The following RBFOX3 variants were observed in gnomAD, a reference collection of about 807,000 sequenced individuals.
RBFOX3 encodes RNA binding fox-1 homolog 3.
A neutral mutation model predicts 48.7 loss-of-function variants in RBFOX3; 17 were observed. The observed-to-expected ratio is 0.35, with a 90% CI of 0.24 to 0.52. The LOEUF (loss-of-function observed/expected upper bound fraction) is 0.52. Among genes scored for constraint, RBFOX3 ranks in the 20% least tolerant of loss-of-function variants. RBFOX3 has a pLI of 0.94. For missense variants in RBFOX3, 382 were observed against 497.5 expected, an observed-to-expected ratio of 0.77 and a Z score of 2.21; for synonymous variants, 212 against 209.5, an observed-to-expected ratio of 1.01 and a Z score of -0.10.
rs985093105 is a variant in RBFOX3 at position 79,464,695 on chromosome 17, C to T, written c.-175+17759G>A. On this transcript the variant is annotated intron_variant, in intron 2 of 14. Coordinates refer to ENST00000693108, the MANE Select transcript of RBFOX3 (RefSeq NM_001350451.2). Reference sequence around the variant, plus strand: ...GAAGGAGAATACATTTCTGCCACTGCTGGGAGCATCGTAAGAGCCACCTTG... The same window carrying T: ...GAAGGAGAATACATTTCTGCCACTGTTGGGAGCATCGTAAGAGCCACCTTG... Among the ~76,000 whole-genome samples, 3 of 152,264 alleles carry T rather than the reference C, an allele frequency of 2.0e-5. No homozygotes were observed. The East Asian group carries it at 5.8e-4, about 29-fold the overall frequency.
chr17:79,319,392 G>A (rs1027335594), intron 2 of RBFOX3, among the ~76,000 whole-genome samples: 14 of 152,238 alleles, frequency 9.2e-5, no homozygotes, highest in Non-Finnish European at 1.8e-4. Flanking sequence ...ATGAAGCCCT[G>A]TCCCAGGAGG....
At chr17:79,365,615 C>T (rs1334622372) in intron 2 of RBFOX3, among the ~76,000 whole-genome samples, 2 of 152,230 alleles carry the variant, frequency 1.3e-5, no homozygotes, top group African/African-American at 2.4e-5. Context: ...AATGCTTTAA[C>T]GGAATATGTT....
intron 4 of RBFOX3, among the ~76,000 whole-genome samples, chr17:79,188,369 G>C (rs573950864): frequency 1.1e-4 from 16 of 152,358 alleles, no homozygotes; most frequent in Non-Finnish European, 2.1e-4. Flanking sequence ...AGCAGAGACT[G>C]CAGCAAAAGT....
chr17:79,318,880 A>C (rs1290811307), intron 2 of RBFOX3, among the ~76,000 whole-genome samples: 1 of 118,850 alleles, frequency 8.4e-6, no homozygotes, highest in East Asian at 2.4e-4. Context: ...AAAAAAAAAA[A>C]GGGATGGAGG....
In RBFOX3 at chr17:79,463,360, CGCCACCGCCAGT is replaced by C. The variant is rs373075118; in HGVS notation, c.-175+19082_-175+19093del. ...CCACCATCGCCACCTCCACCGCCAT[CGCCACCGCCAGT>C]GCCACCGCCACCTCCACCACCATCG... On this transcript the variant is annotated intron_variant, in intron 2 of 14. Coordinates refer to ENST00000693108, the MANE Select transcript of RBFOX3 (RefSeq NM_001350451.2). 1.1e-3 allele frequency among the ~76,000 whole-genome samples: 109 copies of C among 102,968 alleles called. 6 individuals carry two copies. Among genetic ancestry groups the C allele is most frequent in the African/African-American group, 3.9e-3 (102 of 25,852 alleles). The allele number at this position is 102,968 out of a possible 152,430, so 67.6% of individuals were successfully genotyped here. A position where few individuals can be genotyped will look rare whatever the true frequency, so the allele number is the denominator to read the frequency against.
chr17:79,559,845 GTGGA>G (rs1303766557), intron 1 of RBFOX3, among the ~76,000 whole-genome samples: 1 of 144,662 alleles, frequency 6.9e-6, no homozygotes. Context: ...GAATGAATGG[GTGGA>G]TGGATGGATG....
At chr17:79,133,136 GCCTCCTGCCCCTGCCCACA>G (rs1463684736) in intron 4 of RBFOX3, among the ~76,000 whole-genome samples, 3 of 152,152 alleles carry the variant, frequency 2.0e-5, no homozygotes, top group Non-Finnish European at 4.4e-5. Context: ...GCTCATGGTG[GCCTCCTGCCCCTGCCCACA>G]GGAGCAGGGT....
At chr17:79,588,642 CT>C (rs1290259836) in intron 1 of RBFOX3, among the ~76,000 whole-genome samples, 2 of 152,182 alleles carry the variant, frequency 1.3e-5, no homozygotes. Flanking sequence ...AAGCACAGCC[CT>C]CCCCCAAGAG....
intron 14 of RBFOX3, chr17:79,092,649 A>G: frequency 1.8e-5 from 18 of 987,484 alleles, no homozygotes; most frequent in Non-Finnish European, 2.0e-5. Context: ...AGCCTGCAAC[A>G]TCAAAGATGA....
chr17:79,455,257 C>T (rs2074277031), intron 2 of RBFOX3, among the ~76,000 whole-genome samples: 2 of 152,174 alleles, frequency 1.3e-5, no homozygotes, highest in South Asian at 4.1e-4. Context: ...GCGCAGGCTA[C>T]CGTGACGGGG....
rs1470975976 is a variant in RBFOX3, at chr17:79,477,362, C to G, written c.-175+5092G>C. ...ACGAGGTCAGGAGATCGAGATCATC[C>G]TGGCTAACACGGTGAAACCCCGTCT... On this transcript the variant is annotated intron_variant, in intron 2 of 14. Transcript: ENST00000693108. This position sits in a 1 kb window ranked among gnomAD's most constrained non-coding sequence, Gnocchi z 4.8. 2.6e-5 allele frequency among the ~76,000 whole-genome samples: 4 copies of G among 151,386 alleles called. No individual in the cohort carries two copies. In the East Asian group the frequency reaches 7.8e-4, roughly 29 times the overall value.
At chr17:79,573,683 G>A (rs2092760366) in intron 1 of RBFOX3, among the ~76,000 whole-genome samples, 2 of 152,194 alleles carry the variant, frequency 1.3e-5, no homozygotes, top group African/African-American at 2.4e-5. Flanking sequence ...TTCAAGCCTA[G>A]CTGTGTTCAA....
At chr17:79,620,581 G>GCA in the RBFOX3 span, among the ~76,000 whole-genome samples, 5 of 74,516 alleles carry the variant, frequency 6.7e-5, no homozygotes, top group African/African-American at 2.5e-4. Context: ...GTGCACACAC[G>GCA]CACGCACACA....
chr17:79,611,130 T>TCTC (rs1491548376), upstream of RBFOX3, among the ~76,000 whole-genome samples: 2,265 of 37,790 alleles, frequency 0.06, 1,029 homozygotes, highest in Middle Eastern at 0.093. Flanking sequence ...TCCGCCCTCC[T>TCTC]TCTCTCTCTC....
intron 2 of RBFOX3, among the ~76,000 whole-genome samples, chr17:79,463,214 T>TCCATCG: frequency 1.2e-5 from 1 of 84,224 alleles, no homozygotes; most frequent in East Asian, 3.7e-4. Context: ...CACTGCCACC[T>TCCATCG]CCACTGCCAT....
At chr17:79,131,212 A>G (rs1009208049) in intron 4 of RBFOX3, among the ~76,000 whole-genome samples, 4 of 144,772 alleles carry the variant, frequency 2.8e-5, no homozygotes, top group East Asian at 3.9e-4. Context: ...TGTTCTGTGC[A>G]CTGTGTGTGC....
In RBFOX3 at chr17:79,158,251, G is replaced by A. The variant is rs143667605; in HGVS notation, c.-33-42503C>T. ...AAACTCCCAGCCTTCAGAACTGCGC[G>A]AGGAGAAACGCCTGTTGTTTATGCC... On this transcript the variant is annotated intron_variant, in intron 4 of 14. Transcript: ENST00000693108. Among the ~76,000 whole-genome samples the A allele has an allele frequency of 5.1e-4, 77 of 152,306 alleles. 1 individual carries two copies. In the East Asian group the frequency reaches 0.012, roughly 24 times the overall value.
intron 1 of RBFOX3, among the ~76,000 whole-genome samples, chr17:79,590,526 T>G (rs2093385922): frequency 6.6e-6 from 1 of 152,190 alleles, no homozygotes; most frequent in Admixed American, 6.5e-5. Context: ...TTTTTATTTT[T>G]TAATGACCTG....
intron 2 of RBFOX3, among the ~76,000 whole-genome samples, chr17:79,440,283 C>T (rs577022105): frequency 5.8e-4 from 89 of 152,352 alleles, no homozygotes; most frequent in Admixed American, 1.2e-3. Context: ...TGCTTTTCCA[C>T]GGCATTTCCC....
Sources: allele counts gnomAD v4.1 joint callset (sites outside exome capture counted in the v4.1 genomes callset), GRCh38; gene constraint gnomAD v4.1.1; non-coding constraint Gnocchi (gnomAD v3.1); transcripts MANE v1.5; gene names NCBI Gene and HGNC (gene_info 2026-07-23, HGNC 2026-07-21).